PRPF18: variants seen among roughly 807,000 people sequenced by gnomAD.
The protein encoded by PRPF18 is pre-mRNA-splicing factor 18.
Under a neutral mutation model 46.5 loss-of-function variants are expected in PRPF18, and 38 were observed. That is an observed-to-expected ratio of 0.82 (90% CI 0.63 to 1.07). PRPF18 has a LOEUF of 1.07. PRPF18 is among the 50% of genes least tolerant of loss of function. PRPF18 has a pLI of 0.00. For synonymous variants in PRPF18, 152 were observed against 146.7 expected, an observed-to-expected ratio of 1.04 and a Z score of -0.26; for missense variants, 263 against 410.0, an observed-to-expected ratio of 0.64 and a Z score of 3.10.
At chr10:13,650,369 G>A in the PRPF18 span, among the ~76,000 whole-genome samples, 1 of 152,282 alleles carries the variant, frequency 6.6e-6, no homozygotes, top group African/African-American at 2.4e-5. Flanking sequence ...CTGTTGCTCA[G>A]TATAATGTAT....
chr10:13,602,722 T>C (rs1254844290), intron 3 of PRPF18, among the ~76,000 whole-genome samples: 4 of 152,166 alleles, frequency 2.6e-5, no homozygotes, highest in African/African-American at 4.8e-5. Context: ...ACTTACATAT[T>C]TTAGAATTCT....
downstream of PRPF18, among the ~76,000 whole-genome samples, chr10:13,632,346 C>A (rs1444516741): frequency 2.0e-5 from 3 of 151,724 alleles, no homozygotes; most frequent in Admixed American, 6.6e-5. Context: ...GTCCCCTCCC[C>A]CCCGCAAAAA....
At chr10:13,632,143 C>A (rs10906431), downstream of PRPF18, among the ~76,000 whole-genome samples, 7 of 151,944 alleles carry the variant, frequency 4.6e-5, no homozygotes, top group Non-Finnish European at 1.0e-4. Flanking sequence ...AGGTAGAGAC[C>A]ATTCTGGCTA....
At chr10:13,597,559 A>T (rs1589120139) in intron 2 of PRPF18, 24 bp downstream of exon 2, 1 of 1,600,970 alleles carries the variant, frequency 6.2e-7, no homozygotes, top group Non-Finnish European at 8.5e-7. Context: ...CTTTTATGTT[A>T]AATTGTACAT....
the PRPF18 span, among the ~76,000 whole-genome samples, chr10:13,650,746 G>A: frequency 3.7e-4 from 57 of 152,204 alleles, no homozygotes; most frequent in Non-Finnish European, 7.2e-4. Flanking sequence ...TTTCTCTACA[G>A]GAAACAAGAC....
In PRPF18 at chr10:13,607,670, C is replaced by T. The variant is rs571358196; in HGVS notation, c.363+1926C>T. Among the ~76,000 whole-genome samples the T allele has an allele frequency of 2.6e-4, 39 of 152,292 alleles. No homozygotes were observed. In the South Asian group the frequency reaches 3.3e-3, roughly 13 times the overall value. On this transcript the variant is annotated intron_variant, in intron 4 of 9. Coordinates refer to ENST00000378572, the MANE Select transcript of PRPF18 (RefSeq NM_003675.4). ...AAGGGATCCTCCCGCCTTGGCCTCC[C>T]GAAGTGCCCGGGCCAGAAGTTTTAT...
At chr10:13,625,749 G>A (rs1191387270) in intron 9 of PRPF18, among the ~76,000 whole-genome samples, 1 of 152,190 alleles carries the variant, frequency 6.6e-6, no homozygotes, top group African/African-American at 2.4e-5. Context: ...CAAAGGTGCA[G>A]GAATTAAAAT....
chr10:13,617,691 A>G (rs1211570383), intron 9 of PRPF18, among the ~76,000 whole-genome samples: 3 of 152,228 alleles, frequency 2.0e-5, no homozygotes, highest in Non-Finnish European at 4.4e-5. Flanking sequence ...GACATTTCTT[A>G]TAAACAGTAA....
the PRPF18 span, chr10:13,649,194 T>G: frequency 6.6e-6 from 1 of 152,240 alleles, no homozygotes; most frequent in Non-Finnish European, 1.5e-5. Context: ...GTCATAATTG[T>G]GACAACATAA....
At chr10:13,636,192 C>T in the PRPF18 span, among the ~76,000 whole-genome samples, 23,227 of 152,186 alleles carry the variant, frequency 0.15, 1,928 homozygotes, top group Non-Finnish European at 0.2. Context: ...GAAGCCAAGG[C>T]GGGCAGATCA....
At chr10:13,647,070 A>G in the PRPF18 span, 2 of 475,476 alleles carry the variant, frequency 4.2e-6, no homozygotes, top group South Asian at 1.9e-4. Flanking sequence ...TGAGACAGTT[A>G]GTTAGTGGAG....
chr10:13,614,304 G>T (rs1031429378), intron 8 of PRPF18, among the ~76,000 whole-genome samples: 10 of 152,170 alleles, frequency 6.6e-5, no homozygotes, highest in Admixed American at 6.5e-4. Flanking sequence ...GACCTCATCT[G>T]TATGCTCTTG....
chr10:13,634,140 G>A (rs2080614249), downstream of PRPF18, among the ~76,000 whole-genome samples: 1 of 152,196 alleles, frequency 6.6e-6, no homozygotes. Flanking sequence ...TTTAAAAAAA[G>A]AATGTATTTT....
the PRPF18 span, among the ~76,000 whole-genome samples, chr10:13,636,722 C>T: frequency 6.6e-6 from 1 of 152,140 alleles, no homozygotes; most frequent in Non-Finnish European, 1.5e-5. Flanking sequence ...GTTATTAACT[C>T]CCCAGAAATC....
intron 1 of PRPF18, 98 bp downstream of exon 1, chr10:13,587,250 G>C: frequency 7.5e-7 from 1 of 1,327,276 alleles, no homozygotes; most frequent in Non-Finnish European, 1.1e-6. Context: ...GATTCGGGGC[G>C]GGGACGGGGC....
At chr10:13,650,373 A>G in the PRPF18 span, among the ~76,000 whole-genome samples, 2 of 152,110 alleles carry the variant, frequency 1.3e-5, no homozygotes, top group Non-Finnish European at 2.9e-5. Context: ...TGCTCAGTAT[A>G]ATGTATGTGT....
At chr10:13,651,750 C>G in the PRPF18 span, 1 of 624,852 alleles carries the variant, frequency 1.6e-6, no homozygotes, top group East Asian at 2.7e-5. Flanking sequence ...GAACCTTCAG[C>G]TAAAAACATA....
chr10:13,611,687 C>G lies in PRPF18; in HGVS notation c.579+4C>G. On this transcript the variant is annotated splice_donor_region_variant and intron_variant, in intron 6 of 9. Coordinates refer to ENST00000378572, the MANE Select transcript of PRPF18 (RefSeq NM_003675.4). ...CATCATCACCAAATTCCTGAAGGTG[C>G]GTGTCTTAGGCGAGGGGATGAGGAT... 1 of 1,612,558 alleles carries G rather than the reference C, an allele frequency of 6.2e-7. No individual in the cohort carries two copies. The highest frequency in any genetic ancestry group is 8.5e-7 in the Non-Finnish European group (1 of 1,178,722).
chr10:13,626,236 C>T (rs191005321), intron 9 of PRPF18, among the ~76,000 whole-genome samples: 1 of 152,208 alleles, frequency 6.6e-6, no homozygotes, highest in East Asian at 1.9e-4. Context: ...AGGATGGTAG[C>T]AGTACAAGTG....
Sources: allele counts gnomAD v4.1 joint callset (sites outside exome capture counted in the v4.1 genomes callset), GRCh38; gene constraint gnomAD v4.1.1; transcripts MANE v1.5; gene names NCBI Gene and HGNC (gene_info 2026-07-23, HGNC 2026-07-21).